PLEC: variants seen among roughly 807,000 people sequenced by gnomAD.
PLEC encodes hemidesmosomal protein 1.
In PLEC, 216 loss-of-function variants were observed where a neutral mutation model predicts 392.8. The ratio of observed to expected loss-of-function variants is 0.55; its 90% CI spans 0.49 to 0.62. The LOEUF (loss-of-function observed/expected upper bound fraction) is 0.62, where lower values mean the gene tolerates loss of function less well. PLEC is among the 20% of genes least tolerant of loss of function. PLEC has a pLI of 0.00. For synonymous variants in PLEC, 3,621 were observed against 2,980.6 expected (o/e 1.21, Z -7.00); for missense variants, 6,863 against 6,563.4 (o/e 1.05, Z -1.58).
At chr8:143,946,287 C>A (rs1831459123) in intron 1 of PLEC, 7 of 1,180,350 alleles carry the variant, frequency 5.9e-6, no homozygotes, top group Non-Finnish European at 6.7e-6. Flanking sequence ...AGAGACAGGT[C>A]TGCCAGAGGC....
rs375240187 is a variant in PLEC at position 143,959,853 on chromosome 8, G to A, written c.70+13550C>T. On this transcript the variant is annotated intron_variant, in intron 1 of 31. Transcript: ENST00000356346. ...CTACTAAAAATACAAAATATTAGCC[G>A]GGTGTGGTGGCGGGCGCCTGTAGTC... Among the ~76,000 whole-genome samples the A allele has an allele frequency of 4.5e-4, 68 of 152,160 alleles. No homozygotes were observed. The East Asian group carries it at 9.1e-3, about 20-fold the overall frequency.
At position 143,926,891 on chromosome 8, in the gene PLEC, T is replaced by A. The variant is rs781896859; in HGVS notation, c.3946-9A>T. 1 of 1,610,026 alleles carries A rather than the reference T, an allele frequency of 6.2e-7. No homozygotes were observed. Among genetic ancestry groups the A allele is most frequent in the Non-Finnish European group, 8.5e-7 (1 of 1,176,788 alleles). ...GTACGCAGGTCCACGTACTGTGGAG[T>A]AGAGCCAGGGTTAGCCCTGCGAGAG... On this transcript the variant is annotated splice_polypyrimidine_tract_variant and intron_variant, in intron 29 of 31. Transcript: ENST00000345136.
At chr8:143,971,485 C>T (rs1282028547) in intron 1 of PLEC, among the ~76,000 whole-genome samples, 1 of 152,146 alleles carries the variant, frequency 6.6e-6, no homozygotes, top group African/African-American at 2.4e-5. Context: ...AGGGCCGGGG[C>T]TCCAGCCCTC....
Position 143,923,241 on chromosome 8 carries a change from G to A in PLEC, c.6688C>T (p.Leu2230Phe), listed in dbSNP as rs1554691684. The change falls in exon 31 of 32, where the codon CTC becomes TTC. Residue 2230 changes from leucine to phenylalanine, a missense_variant. Leu to Phe is a conservative substitution (Grantham distance 22). Coordinates refer to ENST00000345136, the MANE Select transcript of PLEC (RefSeq NM_201384.3). Reference protein sequence around the residue: ...ARQRSQVEEELFSVRVQMEEL... With the variant: ...ARQRSQVEEEFFSVRVQMEEL... Reference sequence around the variant, plus strand: ...TCCATCTGCACGCGCACCGAGAAGAGCTCCTCCTCCACCTGGCTGCGCTGG... The same window carrying A: ...TCCATCTGCACGCGCACCGAGAAGAACTCCTCCTCCACCTGGCTGCGCTGG... 3 of 1,604,534 alleles carry A rather than the reference G, an allele frequency of 1.9e-6. No individual in the cohort carries two copies. The African/African-American group carries it at 4.0e-5, about 21-fold the overall frequency.
upstream of PLEC, chr8:143,953,781 G>A: frequency 1.9e-6 from 3 of 1,611,998 alleles, no homozygotes; most frequent in African/African-American, 1.3e-5. Context: ...TGTCTGCGCC[G>A]GGGCTGAGGG....
rs782157183 is a variant in PLEC, at chr8:143,929,465, C to T, written c.3030G>A (p.Pro1010=). The T allele has an allele frequency of 4.4e-6, 7 of 1,596,486 alleles. No homozygotes were observed. The highest frequency in any genetic ancestry group is 3.5e-5 in the Admixed American group (2 of 57,814). ...ACTCCCGTGCCGGCTCTTTGTCCAG[C>T]GGCAGCCGCAGGCGGTGCACGGTGC... The part of the protein sequence containing the change: ...ETRTVHRLRL[P]LDKEPARECA... The change falls in exon 24 of 32, where the codon CCG becomes CCA. Residue 1010 remains proline, a synonymous_variant. Transcript: ENST00000345136.
chr8:143,953,986 G>A (rs1266420495), upstream of PLEC: 2 of 1,231,232 alleles, frequency 1.6e-6, no homozygotes, highest in African/African-American at 3.2e-5. Flanking sequence ...CCCCCAGCCT[G>A]TGGTTCTGGG....
At position 143,916,665 on chromosome 8, in the gene PLEC, G is replaced by A. The variant is rs376072341; in HGVS notation, c.13156C>T (p.Arg4386Cys). 4 of 1,611,126 alleles carry A rather than the reference G, an allele frequency of 2.5e-6. No homozygotes were observed. The highest frequency in any genetic ancestry group is 3.4e-6 in the Non-Finnish European group (4 of 1,179,238). Residue 4386 changes from arginine to cysteine, a missense_variant, in exon 32 of 32, where the codon CGC (arginine) becomes TGC (cysteine). Arg to Cys is a radical substitution (Grantham distance 180). Transcript: ENST00000345136. ...GTCAGGTACTGCACCTCCAGGAAGC[G>A]CTGGCCGGCCTCGTAGTAGAGCCAG... ...KGWLYYEAGQ[R>C]FLEVQYLTGG...
intron 1 of PLEC, chr8:143,946,337 C>T (rs1554732201): frequency 1.6e-6 from 2 of 1,288,746 alleles, no homozygotes; most frequent in Non-Finnish European, 2.0e-6. Flanking sequence ...GCCCCCAGCT[C>T]TGCCTGCCCT....
intron 1 of PLEC, among the ~76,000 whole-genome samples, chr8:143,970,758 C>A (rs1189296853): frequency 3.9e-5 from 6 of 152,216 alleles, no homozygotes; most frequent in African/African-American, 1.4e-4. Context: ...CCCTGCCACA[C>A]CCACCCCAGG....
intron 3 of PLEC, 114 bp downstream of exon 3, chr8:143,938,037 G>C: frequency 2.7e-6 from 2 of 740,490 alleles, no homozygotes; most frequent in South Asian, 3.1e-5. Flanking sequence ...AGGCAGGAGG[G>C]GTTGAGCTGG....
chr8:143,918,453 G>C lies in PLEC; in HGVS notation c.11368C>G (p.Leu3790Val), dbSNP rs781842866. ...ISLFQAMKKE[L>V]IPTEEALRLL... Reference sequence around the variant, plus strand: ...CGCAGGGCCTCCTCAGTAGGGATCAGCTCCTTCTTCATGGCCTGGAAGAGC... The same window carrying C: ...CGCAGGGCCTCCTCAGTAGGGATCACCTCCTTCTTCATGGCCTGGAAGAGC... Residue 3790 changes from leucine (L) to valine (V), a missense_variant, in exon 32 of 32, where the codon CTG becomes GTG. Transcript: ENST00000345136. 1 of 1,588,348 alleles carries C rather than the reference G, an allele frequency of 6.3e-7. No individual in the cohort carries two copies. The highest frequency in any genetic ancestry group is 8.6e-7 in the Non-Finnish European group (1 of 1,169,328).
rs1473010960 is a variant in PLEC, at chr8:143,946,503, C to T, written c.523+3681G>A. 1.0e-5 allele frequency: 8 copies of T among 771,926 alleles called. No homozygotes were observed. The Admixed American group carries it at 1.3e-4, about 13-fold the overall frequency. 47.8% of individuals were successfully genotyped at this position (771,926 alleles called of 1,614,324 possible). ...GGGCCCACTCATGCCCTGGTAGCAG[C>T]GGCTCCTCCTCGCAGCCACCCCTTA... is the stretch of plus-strand genomic sequence containing the variant. On this transcript the variant is annotated intron_variant, in intron 1 of 31. Transcript: ENST00000322810.
chr8:143,920,510 C>A lies in PLEC; in HGVS notation c.9311G>T (p.Gly3104Val). The A allele has an allele frequency of 1.2e-6, 2 of 1,610,798 alleles. No individual in the cohort carries two copies. The highest frequency in any genetic ancestry group is 8.5e-7 in the Non-Finnish European group (1 of 1,179,296). ...CTGCCCTGTGTAGGGGTCCCTGTAC[C>A]CTGTCACAGCCTTCTCGGCTGATAG... ...KLLSAEKAVT[G>V]YRDPYTGQSV... is the part of the protein sequence containing the mutation. Residue 3104 changes from glycine to valine, a missense_variant, in exon 32 of 32, where the codon GGG becomes GTG. Physicochemically the swap from Gly to Val is moderately radical, Grantham distance 109. Coordinates refer to ENST00000345136, the MANE Select transcript of PLEC (RefSeq NM_201384.3).
rs369297555 is a variant in PLEC, at chr8:143,973,370, C to A, written c.70+33G>T. The A allele has an allele frequency of 1.3e-6, 2 of 1,552,570 alleles. No individual in the cohort carries two copies. The highest frequency in any genetic ancestry group is 1.7e-4 in the Middle Eastern group (1 of 5,930). On this transcript the variant is annotated intron_variant, in intron 1 of 31. Transcript: ENST00000356346. The surrounding 1 kb of genome is among the most constrained non-coding windows in gnomAD (Gnocchi z 5.6). The stretch of plus-strand genomic sequence containing the variant: ...TGCTCGGCGGCTGGGCTGTCAGGAG[C>A]GGCCCGACAGGCAGCGGGACGGGGG...
rs79121794 is a variant in PLEC, at chr8:143,922,797, T to C, written c.7132A>G (p.Met2378Val). ...LEAERQRQLE[M>V]SAEAERLKLR... ...TTGAGGCGCTCAGCCTCAGCGCTCA[T>C]CTCCAGCTGCCGCTGCCGCTCGGCC... Residue 2378 changes from methionine to valine, a missense_variant, in exon 31 of 32, where the codon ATG becomes GTG. Coordinates refer to ENST00000345136, the MANE Select transcript of PLEC (RefSeq NM_201384.3). The C allele has an allele frequency of 8.8e-6, 14 of 1,592,486 alleles. No individual in the cohort carries two copies. The highest frequency in any genetic ancestry group is 2.3e-5 in the East Asian group (1 of 43,456).
rs782374414 is a variant in PLEC, at chr8:143,929,445, C to G, written c.3050G>C (p.Arg1017Pro). 1 of 1,583,832 alleles carries G rather than the reference C, an allele frequency of 6.3e-7. No individual in the cohort carries two copies. Among genetic ancestry groups the G allele is most frequent in the East Asian group, 2.3e-5 (1 of 43,386 alleles). Residue 1017 changes from arginine (R) to proline (P), a missense_variant, in exon 24 of 32, where the codon CGG becomes CCG. Transcript: ENST00000345136. ...LRLPLDKEPA[R>P]ECAQRIAEQQ... Reference sequence around the variant, plus strand: ...CTCGGCGATGCGCTGGGCACACTCCCGTGCCGGCTCTTTGTCCAGCGGCAG... The same window carrying G: ...CTCGGCGATGCGCTGGGCACACTCCGGTGCCGGCTCTTTGTCCAGCGGCAG...
intron 1 of PLEC, among the ~76,000 whole-genome samples, chr8:143,972,372 T>C (rs1554744585): frequency 6.6e-6 from 1 of 152,176 alleles, no homozygotes; most frequent in East Asian, 1.9e-4. Flanking sequence ...GGCACAGCAC[T>C]GTCAAAGAGA....
chr8:143,944,782 GCCGTGCTGCTGT>G (rs1831196684), intron 1 of PLEC: 3 of 1,104,120 alleles, frequency 2.7e-6, no homozygotes, highest in Non-Finnish European at 3.5e-6. Flanking sequence ...GGAGGGCACG[GCCGTGCTGCTGT>G]CAGCAGCAGC....
Sources: gnomAD v4.1 joint callset for allele counts (sites outside exome capture counted in the v4.1 genomes callset) on GRCh38, gnomAD v4.1.1 for gene constraint, Gnocchi (gnomAD v3.1) non-coding constraint, MANE v1.5 for transcripts, NCBI Gene and HGNC (gene_info 2026-07-23, HGNC 2026-07-21) for gene names.